NRXN3: variants seen among roughly 807,000 people sequenced by gnomAD.
NRXN3 encodes the protein neurexin 3, also known as neurexin III.
Under a neutral mutation model 137.6 loss-of-function variants are expected in NRXN3, and 32 were observed. That is an observed-to-expected ratio of 0.23 (90% CI 0.18 to 0.31). The LOEUF (loss-of-function observed/expected upper bound fraction) is 0.31. Ranked by LOEUF, NRXN3 falls within the 10% of genes least tolerant of loss-of-function variation. NRXN3 has a pLI of 1.00. For synonymous variants in NRXN3, 798 were observed against 784.5 expected (o/e 1.02, Z -0.29); for missense variants, 1,574 against 2,062.5 (o/e 0.76, Z 4.59).
intron 15 of NRXN3, among the ~76,000 whole-genome samples, chr14:79,217,515 A>T (rs2068749402): frequency 6.6e-6 from 1 of 152,208 alleles, no homozygotes; most frequent in Non-Finnish European, 1.5e-5. Context: ...CATCCAAACC[A>T]TATCAAATAT....
intron 16 of NRXN3, among the ~76,000 whole-genome samples, chr14:79,535,909 C>G (rs2097206726): frequency 6.6e-6 from 1 of 152,132 alleles, no homozygotes; most frequent in African/African-American, 2.4e-5. Flanking sequence ...CCAGGATAGG[C>G]ATTCTGTATT....
intron 16 of NRXN3, among the ~76,000 whole-genome samples, chr14:79,594,432 G>T (rs2097842207): frequency 1.3e-5 from 2 of 152,164 alleles, no homozygotes; most frequent in Non-Finnish European, 2.9e-5. Flanking sequence ...ATGAATTACA[G>T]TACTAGAGAT....
intron 16 of NRXN3, among the ~76,000 whole-genome samples, chr14:79,633,757 G>A (rs752246401): frequency 6.6e-6 from 1 of 152,160 alleles, no homozygotes; most frequent in Admixed American, 6.5e-5. Flanking sequence ...TAACAGAACG[G>A]TGCTGTTTGC....
chr14:79,596,567 A>G (rs2097860438), intron 16 of NRXN3, among the ~76,000 whole-genome samples: 2 of 141,886 alleles, frequency 1.4e-5, no homozygotes, highest in Non-Finnish European at 1.5e-5. Flanking sequence ...CTTCTGGCCA[A>G]TTTTTGGACA....
At chr14:79,199,744 A>G (rs1246284731) in intron 15 of NRXN3, among the ~76,000 whole-genome samples, 2 of 152,202 alleles carry the variant, frequency 1.3e-5, no homozygotes, top group Non-Finnish European at 2.9e-5. Context: ...ATTCAAACAG[A>G]CAAACCATGG....
intron 15 of NRXN3, among the ~76,000 whole-genome samples, chr14:79,408,856 T>A (rs938857407): frequency 2.0e-5 from 3 of 152,046 alleles, no homozygotes; most frequent in African/African-American, 7.2e-5. Context: ...CACTTATAAG[T>A]CAAACTTTCT....
intron 15 of NRXN3, among the ~76,000 whole-genome samples, chr14:79,452,354 A>G (rs1788913999): frequency 2.0e-5 from 3 of 152,178 alleles, no homozygotes; most frequent in Admixed American, 1.3e-4. Flanking sequence ...GTCTGAATAC[A>G]TCCATCATAA....
chr14:79,740,321 C>G (rs1430927331), intron 19 of NRXN3, among the ~76,000 whole-genome samples: 1 of 152,124 alleles, frequency 6.6e-6, no homozygotes, highest in East Asian at 1.9e-4. Context: ...TCCCTTGTCA[C>G]ATGTGTTATC....
intron 16 of NRXN3, among the ~76,000 whole-genome samples, chr14:79,579,355 TA>T (rs1445102302): frequency 2.7e-5 from 4 of 146,800 alleles, no homozygotes; most frequent in Admixed American, 2.7e-4. Context: ...ATTTCATATA[TA>T]TATATATATA....
chr14:78,364,208 G>A (rs1014179804), intron 4 of NRXN3, among the ~76,000 whole-genome samples: 1 of 152,160 alleles, frequency 6.6e-6, no homozygotes, highest in African/African-American at 2.4e-5. Flanking sequence ...AATGTTACTC[G>A]GAAAAGAGAC....
chr14:78,207,437 C>T (rs2062312551), intron 1 of NRXN3, among the ~76,000 whole-genome samples: 2 of 152,158 alleles, frequency 1.3e-5, no homozygotes, highest in Non-Finnish European at 2.9e-5. Flanking sequence ...CTCTCAGACA[C>T]CTTATATTAC....
At chr14:79,212,631 A>G (rs1175118024) in intron 15 of NRXN3, among the ~76,000 whole-genome samples, 1 of 152,206 alleles carries the variant, frequency 6.6e-6, no homozygotes, top group Non-Finnish European at 1.5e-5. Context: ...TATGGATATA[A>G]TAAACAGTTA....
chr14:78,218,488 C>T (rs978690213), intron 1 of NRXN3, among the ~76,000 whole-genome samples: 6 of 152,148 alleles, frequency 3.9e-5, no homozygotes, highest in African/African-American at 1.4e-4. Flanking sequence ...GAAACCTGGC[C>T]AGATGCCACA....
chr14:78,527,894 C>A (rs2096403682), intron 4 of NRXN3, among the ~76,000 whole-genome samples: 1 of 152,142 alleles, frequency 6.6e-6, no homozygotes, highest in Admixed American at 6.5e-5. Context: ...TTTTCTTCCT[C>A]CTCTGTGAAG....
chr14:79,511,675 C>T (rs951327647), intron 16 of NRXN3, among the ~76,000 whole-genome samples: 5 of 152,144 alleles, frequency 3.3e-5, no homozygotes, highest in South Asian at 4.1e-4. Context: ...GTTAAACCTG[C>T]TCCATCAACC....
At chr14:78,354,156 C>T (rs151104267) in intron 4 of NRXN3, among the ~76,000 whole-genome samples, 5 of 152,120 alleles carry the variant, frequency 3.3e-5, no homozygotes, top group Non-Finnish European at 5.9e-5. Flanking sequence ...ATTTGAAATA[C>T]GAATGATCAT....
At chr14:79,044,391 C>G (rs2099629678) in intron 15 of NRXN3, among the ~76,000 whole-genome samples, 1 of 152,108 alleles carries the variant, frequency 6.6e-6, no homozygotes, top group Non-Finnish European at 1.5e-5. Flanking sequence ...AGCTATGAAA[C>G]CTGGGCCGAG....
chr14:79,317,286 G>A (rs2089004281), intron 15 of NRXN3, among the ~76,000 whole-genome samples: 1 of 152,098 alleles, frequency 6.6e-6, no homozygotes, highest in Non-Finnish European at 1.5e-5. Context: ...AGGCTCTCAG[G>A]GAGGATCCTT....
In NRXN3 at chr14:78,803,772, A is replaced by G; in HGVS notation, c.2197A>G (p.Thr733Ala). ...TACGACCTCCAGGGACTCTGCCGAC[A>G]CCCTGCGTCTGGAGCTGGATGGGGG... ...VATTSRDSAD[T>A]LRLELDGGRV... The change falls in exon 9 of 21, where the codon ACC becomes GCC. Residue 733 changes from threonine (T) to alanine (A), a missense_variant. By Grantham distance (58) the Thr-to-Ala change is moderately conservative (BLOSUM62 0). Around this residue, in one of 5 missense-constraint regions of NRXN3, gnomAD observed 718 missense variants for 887.6 expected, o/e 0.81. Transcript: ENST00000335750. 1 of 1,613,950 alleles carries G rather than the reference A, an allele frequency of 6.2e-7. No individual in the cohort carries two copies.
Sources: gnomAD v4.1 joint callset for allele counts (sites outside exome capture counted in the v4.1 genomes callset) on GRCh38, gnomAD v4.1.1 for gene constraint, gnomAD v4.1.1 regional missense constraint, MANE v1.5 for transcripts, NCBI Gene and HGNC (gene_info 2026-07-23, HGNC 2026-07-21) for gene names.